MND1: variants seen among roughly 807,000 people sequenced by gnomAD.
MND1 encodes the protein meiotic nuclear divisions 1.
A neutral mutation model predicts 35.1 loss-of-function variants in MND1; 28 were observed. The ratio of observed to expected loss-of-function variants is 0.80; its 90% CI spans 0.59 to 1.09. The LOEUF is 1.09. Among genes scored for constraint, MND1 ranks in the 50% least tolerant of loss-of-function variants. The pLI is 0.00. For missense variants in MND1, 213 were observed against 239.6 expected, an observed-to-expected ratio of 0.89 and a Z score of 0.73; for synonymous variants, 69 against 70.5, an observed-to-expected ratio of 0.98 and a Z score of 0.11.
chr4:153,368,365 G>C (rs982587612), intron 4 of MND1, among the ~76,000 whole-genome samples: 29 of 152,108 alleles, frequency 1.9e-4, no homozygotes, highest in Non-Finnish European at 2.6e-4. Context: ...ACTGCTGGTT[G>C]CCTAGCTAGT....
chr4:153,374,881 A>G (rs1579920705), intron 4 of MND1, among the ~76,000 whole-genome samples: 1 of 152,104 alleles, frequency 6.6e-6, no homozygotes, highest in South Asian at 2.1e-4. Context: ...TGGCTGTGTT[A>G]ACTTTGGCGG....
At chr4:153,384,492 T>C (rs1728800481) in intron 4 of MND1, among the ~76,000 whole-genome samples, 2 of 135,356 alleles carry the variant, frequency 1.5e-5, no homozygotes, top group Admixed American at 8.3e-5. Flanking sequence ...AGGGTCTTGC[T>C]CTCCTGGCCA....
chr4:153,375,247 A>T (rs944443587), intron 4 of MND1, among the ~76,000 whole-genome samples: 1 of 152,150 alleles, frequency 6.6e-6, no homozygotes, highest in Non-Finnish European at 1.5e-5. Flanking sequence ...GGAAAACAGA[A>T]GGAATATTTA....
At chr4:153,379,480 A>C (rs141799591) in intron 4 of MND1, among the ~76,000 whole-genome samples, 2 of 152,100 alleles carry the variant, frequency 1.3e-5, no homozygotes, top group East Asian at 3.9e-4. Context: ...CAAGATGAGG[A>C]TGGCTTAAGT....
chr4:153,400,931 G>A lies in MND1; in HGVS notation c.466+3598G>A, dbSNP rs563276099. On this transcript the variant is annotated intron_variant, in intron 6 of 7. Coordinates refer to ENST00000240488, the MANE Select transcript of MND1 (RefSeq NM_032117.4). Reference sequence around the variant, plus strand: ...CAAAAAGTTAAGTGGAAATAGAGAAGATATAAAAAAGACCCAGGTCAAACT... The same window carrying A: ...CAAAAAGTTAAGTGGAAATAGAGAAAATATAAAAAAGACCCAGGTCAAACT... Among the ~76,000 whole-genome samples, 6 of 152,146 alleles carry A rather than the reference G, an allele frequency of 3.9e-5. No homozygotes were observed. In the South Asian group the frequency reaches 1.2e-3, roughly 32 times the overall value.
chr4:153,363,130 T>A, intron 4 of MND1: 1 of 425,968 alleles, frequency 2.3e-6, no homozygotes, highest in Non-Finnish European at 3.1e-6. Context: ...CCTGTTTTCC[T>A]GGTGTGCATG....
chr4:153,360,990 A>G (rs1313702667), intron 4 of MND1, among the ~76,000 whole-genome samples: 6 of 152,060 alleles, frequency 3.9e-5, no homozygotes, highest in Admixed American at 6.6e-5. Context: ...TAGGCACACC[A>G]CCAAACTCTG....
At chr4:153,380,839 T>G (rs532748504) in intron 4 of MND1, among the ~76,000 whole-genome samples, 3 of 152,210 alleles carry the variant, frequency 2.0e-5, no homozygotes, top group African/African-American at 7.2e-5. Context: ...TAAATAATGC[T>G]GAAAAGTATA....
chr4:153,371,263 G>T (rs1773783836), intron 4 of MND1, among the ~76,000 whole-genome samples: 1 of 151,956 alleles, frequency 6.6e-6, no homozygotes, highest in Non-Finnish European at 1.5e-5. Context: ...TTGAGCATTG[G>T]CTTCAACTAA....
rs371838459 is a variant in MND1 at position 153,379,799 on chromosome 4, G to A, written c.277-14463G>A. ...CGGGAGGCAGAGGTTGCAGTGAGCC[G>A]AGACCACACCACTGCACTTCAGCCT... is the stretch of plus-strand genomic sequence containing the variant. On this transcript the variant is annotated intron_variant, in intron 4 of 7. Coordinates refer to ENST00000240488, the MANE Select transcript of MND1 (RefSeq NM_032117.4). 6.4e-4 allele frequency among the ~76,000 whole-genome samples: 88 copies of A among 136,830 alleles called. 1 individual carries two copies. In the East Asian group the frequency reaches 0.011, roughly 17 times the overall value. The allele number at this position is 136,830 out of a possible 152,430, so 89.8% of individuals were successfully genotyped here.
At chr4:153,395,822 T>C (rs1384251802) in intron 5 of MND1, among the ~76,000 whole-genome samples, 1 of 152,220 alleles carries the variant, frequency 6.6e-6, no homozygotes, top group East Asian at 1.9e-4. Flanking sequence ...AGAACTATTA[T>C]TATATTCACA....
chr4:153,406,552 G>T (rs1434186918), intron 6 of MND1, among the ~76,000 whole-genome samples: 2 of 152,010 alleles, frequency 1.3e-5, no homozygotes, highest in African/African-American at 4.8e-5. Context: ...GTGAACTCAG[G>T]ATGGAAGAAA....
At chr4:153,379,631 C>T (rs1728612203) in intron 4 of MND1, among the ~76,000 whole-genome samples, 2 of 151,856 alleles carry the variant, frequency 1.3e-5, no homozygotes, top group Non-Finnish European at 2.9e-5. Context: ...ATGGGTGGAT[C>T]ACGAGGTCAG....
chr4:153,389,345 A>G (rs939581635), intron 4 of MND1, among the ~76,000 whole-genome samples: 13 of 151,624 alleles, frequency 8.6e-5, no homozygotes, highest in Non-Finnish European at 3.0e-5. Context: ...TATGGTAAAT[A>G]CCTTTTTATT....
intron 7 of MND1, among the ~76,000 whole-genome samples, chr4:153,413,857 A>C (rs1306169948): frequency 2.6e-5 from 4 of 152,192 alleles, no homozygotes; most frequent in African/African-American, 9.7e-5. Context: ...CTTGACCAAA[A>C]GTCCTTGTAC....
chr4:153,365,532 T>C (rs1333221996), intron 4 of MND1, among the ~76,000 whole-genome samples: 1 of 151,700 alleles, frequency 6.6e-6, no homozygotes, highest in Non-Finnish European at 1.5e-5. Context: ...TTACAGTGGT[T>C]TTTTTATTTA....
intron 6 of MND1, among the ~76,000 whole-genome samples, chr4:153,407,279 C>A (rs946382510): frequency 6.6e-6 from 1 of 152,168 alleles, no homozygotes; most frequent in African/African-American, 2.4e-5. Flanking sequence ...GCCTGACCAA[C>A]ATGGTGAAAC....
At chr4:153,368,307 C>A (rs528136735) in intron 4 of MND1, among the ~76,000 whole-genome samples, 7 of 152,298 alleles carry the variant, frequency 4.6e-5, no homozygotes, top group African/African-American at 1.7e-4. Flanking sequence ...CTTCTCTAAC[C>A]TCCTGTAATA....
chr4:153,369,417 G>T (rs1305000814), intron 4 of MND1, among the ~76,000 whole-genome samples: 2 of 152,124 alleles, frequency 1.3e-5, no homozygotes, highest in East Asian at 1.9e-4. Flanking sequence ...GATATTGCAG[G>T]TTCAGTTCCA....
Sources: gnomAD v4.1 joint callset for allele counts (sites outside exome capture counted in the v4.1 genomes callset) on GRCh38, gnomAD v4.1.1 for gene constraint, MANE v1.5 for transcripts, NCBI Gene and HGNC (gene_info 2026-07-23, HGNC 2026-07-21) for gene names.